Variants in MYOM2 observed in about 807,000 individuals in gnomAD.
The protein encoded by MYOM2 is myomesin-2.
MYOM2 carries 254 observed loss-of-function variants against 187.6 expected under a neutral mutation model. The ratio of observed to expected loss-of-function variants is 1.35; its 90% confidence interval spans 1.22 to 1.50. The LOEUF (loss-of-function observed/expected upper bound fraction) is 1.50, where lower values mean the gene tolerates loss of function less well. MYOM2 is among the 40% of genes most tolerant of loss of function. The pLI is 0.00. For missense variants in MYOM2, 2,796 were observed against 1,924.0 expected, an observed-to-expected ratio of 1.45 and a Z score of -8.48; for synonymous variants, 981 against 753.8, an observed-to-expected ratio of 1.30 and a Z score of -4.94.
At chr8:2,133,384 C>T (rs1245724998) in intron 32 of MYOM2, among the ~76,000 whole-genome samples, 1 of 152,180 alleles carries the variant, frequency 6.6e-6, no homozygotes, top group Non-Finnish European at 1.5e-5. Context: ...AGCTCAGACA[C>T]CACAGCGCTA....
Position 2,098,899 on chromosome 8 carries a change from G to C in MYOM2, c.2356G>C (p.Ala786Pro). The C allele has an allele frequency of 6.2e-7, 1 of 1,613,004 alleles. No homozygotes were observed. The highest frequency in any genetic ancestry group is 8.5e-7 in the Non-Finnish European group (1 of 1,179,598). The change falls in exon 19 of 37, where the codon GCC (alanine) becomes CCC (proline). Residue 786 changes from alanine (A) to proline (P), a missense_variant. Ala to Pro is a conservative substitution (Grantham distance 27, BLOSUM62 -1). Coordinates refer to ENST00000262113, the MANE Select transcript of MYOM2 (RefSeq NM_003970.4). ...TEGSLYEFKI[A>P]AVNLAGIGEP... is the part of the protein sequence containing the mutation. Reference sequence around the variant, plus strand: ...AGGCTCACTCTACGAGTTCAAAATCGCCGCCGTCAACCTGGCCGGCATCGG... The same window carrying C: ...AGGCTCACTCTACGAGTTCAAAATCCCCGCCGTCAACCTGGCCGGCATCGG...
In MYOM2 at chr8:2,144,732, G is replaced by A; in HGVS notation, c.4149G>A (p.Gln1383=). ...DPEVIWFKND[Q]DIQLSEHFSV... is the part of the protein sequence containing the mutation. ...AAGTGATTTGGTTCAAGAACGACCA[G>A]GACATCCAGCTCAGCGAGCACTTCT... The change falls in exon 37 of 37, where the codon CAG becomes CAA. Residue 1383 remains glutamine (Q), a synonymous_variant. Coordinates refer to ENST00000262113, the MANE Select transcript of MYOM2 (RefSeq NM_003970.4). 1 of 1,614,048 alleles carries A rather than the reference G, an allele frequency of 6.2e-7. No individual in the cohort carries two copies. The highest frequency in any genetic ancestry group is 8.5e-7 in the Non-Finnish European group (1 of 1,180,044).
At chr8:2,130,137 GCGTCCC>G (rs1797806580) in intron 32 of MYOM2, among the ~76,000 whole-genome samples, 1 of 122,980 alleles carries the variant, frequency 8.1e-6, no homozygotes, top group Non-Finnish European at 1.6e-5. Context: ...TATACCCAGG[GCGTCCC>G]CACCGCGCCT....
At chr8:2,057,125 A>G (rs1349452138) in intron 3 of MYOM2, among the ~76,000 whole-genome samples, 1 of 152,232 alleles carries the variant, frequency 6.6e-6, no homozygotes, top group African/African-American at 2.4e-5. Context: ...AATAAATCAC[A>G]TACATGTTCT....
At chr8:2,115,434 C>A (rs928299929) in intron 25 of MYOM2, among the ~76,000 whole-genome samples, 4 of 152,236 alleles carry the variant, frequency 2.6e-5, no homozygotes, top group African/African-American at 9.6e-5. Context: ...TAAAAGCGAT[C>A]AAAAAAGTCA....
At chr8:2,143,535 G>C in intron 36 of MYOM2, 79 bp downstream of exon 36, 2 of 1,567,250 alleles carry the variant, frequency 1.3e-6, no homozygotes, top group Non-Finnish European at 1.8e-6. Context: ...GGGCGGAGCA[G>C]AGGGAACCCA....
At chr8:2,134,774 G>A (rs1798008968) in intron 32 of MYOM2, among the ~76,000 whole-genome samples, 1 of 152,110 alleles carries the variant, frequency 6.6e-6, no homozygotes, top group African/African-American at 2.4e-5. Context: ...TTTTTCCAGT[G>A]TGTGTGCCTG....
intron 10 of MYOM2, 27 bp downstream of exon 10, chr8:2,073,527 C>A (rs760229038): frequency 6.4e-6 from 10 of 1,566,144 alleles, no homozygotes; most frequent in South Asian, 4.6e-5. Context: ...TCTCAGGGTG[C>A]AGACCTTGTG....
intron 31 of MYOM2, among the ~76,000 whole-genome samples, chr8:2,125,420 G>A (rs1797600783): frequency 1.3e-5 from 2 of 151,846 alleles, no homozygotes; most frequent in African/African-American, 4.8e-5. Flanking sequence ...TCATTTCTGG[G>A]CTCTTTATCC....
Position 2,143,477 on chromosome 8 carries a change from C to T in MYOM2, c.4080+21C>T, listed in dbSNP as rs761004913. ...GGAAGGTGAGGATTCTAAACTCGGC[C>T]GGGGTGGGGGTGTCAGCACGGTGCG... On this transcript the variant is annotated intron_variant, in intron 36 of 36. Transcript: ENST00000262113. The T allele has an allele frequency of 2.9e-5, 46 of 1,613,920 alleles. No individual in the cohort carries two copies. The East Asian group carries it at 3.3e-4, about 12-fold the overall frequency.
chr8:2,092,032 A>T (rs1488151975), intron 15 of MYOM2, among the ~76,000 whole-genome samples: 1 of 151,612 alleles, frequency 6.6e-6, no homozygotes, highest in South Asian at 2.1e-4. Flanking sequence ...TTACCCGGGT[A>T]GCCTCATCCC....
chr8:2,092,321 C>G, intron 15 of MYOM2, 25 bp from the exon 16 acceptor site: 1 of 1,609,876 alleles, frequency 6.2e-7, no homozygotes, highest in Non-Finnish European at 8.5e-7. Flanking sequence ...GCCATTTCAC[C>G]ACTCCTTTTG....
At chr8:2,077,092 A>G (rs1258889551) in intron 11 of MYOM2, among the ~76,000 whole-genome samples, 1 of 152,182 alleles carries the variant, frequency 6.6e-6, no homozygotes, top group Non-Finnish European at 1.5e-5. Context: ...CGGGCGGATT[A>G]CAAGTTCAGG....
chr8:2,079,699 C>T, intron 13 of MYOM2, 86 bp downstream of exon 13: 1 of 1,391,432 alleles, frequency 7.2e-7, no homozygotes, highest in South Asian at 1.2e-5. Context: ...CAGAGAACGC[C>T]CCCTACTGGG....
intron 24 of MYOM2, 22 bp from the exon 25 acceptor site, chr8:2,109,373 G>A (rs746353317): frequency 6.3e-7 from 1 of 1,585,404 alleles, no homozygotes; most frequent in South Asian, 1.2e-5. Flanking sequence ...TTATTGACTT[G>A]CGATTTCTTT....
chr8:2,123,165 GC>G (rs1797515431), intron 28 of MYOM2, 86 bp from the exon 29 acceptor site: 2 of 835,368 alleles, frequency 2.4e-6, no homozygotes, highest in Non-Finnish European at 3.7e-6. Context: ...TGAGGGGGGG[GC>G]TCTGTGATTT....
rs1796334291 is a variant in MYOM2 at position 2,092,363 on chromosome 8, G to C, written c.1846G>C (p.Gly616Arg). 3 of 1,614,028 alleles carry C rather than the reference G, an allele frequency of 1.9e-6. No individual in the cohort carries two copies. The highest frequency in any genetic ancestry group is 2.5e-6 in the Non-Finnish European group (3 of 1,179,980). ...ACGAAAAGTTGTCCCTTCTGCTCCG[G>C]GTCGGGTTCTTGCTTCCCGAAACAC... ...QDVTVVPSAP[G>R]RVLASRNTKT... The change falls in exon 16 of 37, where the codon GGT (glycine) becomes CGT (arginine). Residue 616 changes from glycine (G) to arginine (R), a missense_variant. Physicochemically the swap from Gly to Arg is moderately radical, Grantham distance 125. Transcript: ENST00000262113.
chr8:2,076,068 A>AGCTGTAAACAGGCTTT, intron 10 of MYOM2, 73 bp from the exon 11 acceptor site: 1 of 1,417,964 alleles, frequency 7.1e-7, no homozygotes, highest in African/African-American at 1.4e-5. Flanking sequence ...AGCTTGGAGG[A>AGCTGTAAACAGGCTTT]GCTGTAAACA....
At position 2,090,175 on chromosome 8, in the gene MYOM2, G is replaced by A. The variant is rs1344395848; in HGVS notation, c.1812G>A (p.Gln604=). ...CTTCGGAGATAACGTCCCCCATTCA[G>A]GCCCAGGATGTGACCGGTGAGCTGT... The part of the protein sequence containing the change: ...SEPSEITSPI[Q]AQDVTVVPSA... Residue 604 remains glutamine, a synonymous_variant, in exon 15 of 37, where the codon CAG becomes CAA. Transcript: ENST00000262113. The A allele has an allele frequency of 2.5e-6, 4 of 1,613,346 alleles. No individual in the cohort carries two copies. The highest frequency in any genetic ancestry group is 3.3e-5 in the Admixed American group (2 of 59,960).
Sources: allele counts gnomAD v4.1 joint callset (sites outside exome capture counted in the v4.1 genomes callset), GRCh38; gene constraint gnomAD v4.1.1; transcripts MANE v1.5; gene names NCBI Gene and HGNC (gene_info 2026-07-23, HGNC 2026-07-21).